GALNT13: variants seen among roughly 807,000 people sequenced by gnomAD.
The protein encoded by GALNT13 is UDP-GalNAc:polypeptide N-acetylgalactosaminyltransferase 13.
Under a neutral mutation model 64.2 loss-of-function variants are expected in GALNT13, and 28 were observed. That is an observed-to-expected ratio of 0.44 (90% confidence interval 0.32 to 0.60). The LOEUF is 0.60. Among genes scored for constraint, GALNT13 ranks in the 20% least tolerant of loss-of-function variants. GALNT13 has a pLI of 0.05. For missense variants in GALNT13, 577 were observed against 669.8 expected (o/e 0.86, Z 1.53); for synonymous variants, 214 against 224.6 (o/e 0.95, Z 0.42).
chr2:154,145,119 T>TAC lies in GALNT13; in HGVS notation c.311+4621_311+4622dup, dbSNP rs1553484465. 4.6e-3 allele frequency among the ~76,000 whole-genome samples: 629 copies of TAC among 137,052 alleles called. 3 individuals carry two copies. Among genetic ancestry groups the TAC allele is most frequent in the African/African-American group, 0.016 (589 of 36,286 alleles). The allele number at this position is 137,052 out of a possible 152,430, so 89.9% of individuals were successfully genotyped here. ...ATCTATCTATATATATATATATATA[T>TAC]ACACACACTAAAAATTTACATATAA... On this transcript the variant is annotated intron_variant, in intron 4 of 12. Transcript: ENST00000392825.
chr2:153,942,350 C>A (rs909757193), intron 2 of GALNT13, among the ~76,000 whole-genome samples: 3 of 151,992 alleles, frequency 2.0e-5, no homozygotes, highest in African/African-American at 7.2e-5. Context: ...TTGGGAATGG[C>A]CGTGTAGTGA....
chr2:154,211,479 T>G (rs925593206), intron 4 of GALNT13, among the ~76,000 whole-genome samples: 4 of 150,622 alleles, frequency 2.7e-5, no homozygotes, highest in Non-Finnish European at 5.9e-5. Context: ...ATACAAAAAA[T>G]TAGCCAGGCA....
the GALNT13 span, among the ~76,000 whole-genome samples, chr2:153,505,398 A>G: frequency 6.6e-6 from 1 of 151,610 alleles, no homozygotes; most frequent in African/African-American, 2.4e-5. Flanking sequence ...GATCTTTGTC[A>G]TTACTTTTCT....
chr2:153,701,791 T>C, the GALNT13 span, among the ~76,000 whole-genome samples: 1 of 152,092 alleles, frequency 6.6e-6, no homozygotes. Flanking sequence ...TACCACCTCA[T>C]GCCAGTCAAA....
At chr2:153,646,893 T>C in the GALNT13 span, among the ~76,000 whole-genome samples, 1 of 152,162 alleles carries the variant, frequency 6.6e-6, no homozygotes, top group Non-Finnish European at 1.5e-5. Flanking sequence ...TTCCAAGTCT[T>C]TGCTATTGTG....
At chr2:153,686,797 T>C in the GALNT13 span, among the ~76,000 whole-genome samples, 1 of 152,040 alleles carries the variant, frequency 6.6e-6, no homozygotes, top group Non-Finnish European at 1.5e-5. Context: ...TGGTTCATAT[T>C]ATGTTGACTA....
At chr2:154,258,351 C>T (rs1252260150) in intron 7 of GALNT13, among the ~76,000 whole-genome samples, 3 of 152,014 alleles carry the variant, frequency 2.0e-5, no homozygotes, top group Non-Finnish European at 4.4e-5. Context: ...AGAATCCCTT[C>T]GAAGTGTCCT....
At chr2:153,438,499 A>G in the GALNT13 span, among the ~76,000 whole-genome samples, 49 of 152,130 alleles carry the variant, frequency 3.2e-4, no homozygotes, top group Admixed American at 3.2e-3. Context: ...ACATAGTCCC[A>G]TATTTCTTGG....
chr2:153,730,675 T>C, the GALNT13 span, among the ~76,000 whole-genome samples: 2 of 151,544 alleles, frequency 1.3e-5, no homozygotes, highest in African/African-American at 4.8e-5. Context: ...ATCCAGAATC[T>C]ACAGGGAACT....
chr2:154,390,791 C>A (rs1423765846), intron 9 of GALNT13, among the ~76,000 whole-genome samples: 1 of 152,146 alleles, frequency 6.6e-6, no homozygotes, highest in African/African-American at 2.4e-5. Flanking sequence ...ATTGTCAAAG[C>A]CTTTACATGG....
At chr2:153,739,184 A>G in the GALNT13 span, among the ~76,000 whole-genome samples, 2 of 152,068 alleles carry the variant, frequency 1.3e-5, no homozygotes, top group Admixed American at 6.6e-5. Flanking sequence ...TCTTAAATCC[A>G]TATTTGCAAC....
chr2:153,787,571 C>A, the GALNT13 span, among the ~76,000 whole-genome samples: 291 of 152,272 alleles, frequency 1.9e-3, 1 homozygote, highest in African/African-American at 6.7e-3. Flanking sequence ...ACTAGTTCTC[C>A]AACAAGCATT....
At chr2:153,096,006 A>C in the GALNT13 span, among the ~76,000 whole-genome samples, 2 of 152,016 alleles carry the variant, frequency 1.3e-5, no homozygotes, top group Admixed American at 1.3e-4. Flanking sequence ...TGTTGTGCAC[A>C]TGTACCCTAG....
At chr2:154,411,861 C>A (rs1699811665) in intron 11 of GALNT13, among the ~76,000 whole-genome samples, 1 of 151,500 alleles carries the variant, frequency 6.6e-6, no homozygotes, top group African/African-American at 2.4e-5. Flanking sequence ...TAACTTATGG[C>A]AAGTTACATA....
At chr2:154,413,224 C>T (rs753911434) in intron 11 of GALNT13, among the ~76,000 whole-genome samples, 1 of 151,838 alleles carries the variant, frequency 6.6e-6, no homozygotes, top group Non-Finnish European at 1.5e-5. Context: ...CCAAACTGAA[C>T]TCATTTCCTT....
chr2:153,674,758 C>T, the GALNT13 span, among the ~76,000 whole-genome samples: 82 of 152,056 alleles, frequency 5.4e-4, no homozygotes, highest in Non-Finnish European at 8.2e-4. Context: ...TGAGAGTGAA[C>T]GGGCAACCTA....
the GALNT13 span, among the ~76,000 whole-genome samples, chr2:153,280,634 A>G: frequency 6.6e-6 from 1 of 152,118 alleles, no homozygotes; most frequent in African/African-American, 2.4e-5. Context: ...AAAGCCACTC[A>G]TGAGTAAGCT....
At position 154,438,595 on chromosome 2, in the gene GALNT13, T is replaced by A. The variant is rs1209234849; in HGVS notation, c.1399T>A (p.Phe467Ile). 1 of 1,609,204 alleles carries A rather than the reference T, an allele frequency of 6.2e-7. No individual in the cohort carries two copies. The highest frequency in any genetic ancestry group is 8.5e-7 in the Non-Finnish European group (1 of 1,176,648). ...NCHGMGGNQV[F>I]SYTADKEIRT... ...TTAGCTGAATTTATATTTTCAGGTA[T>A]TTTCTTACACTGCTGACAAAGAAAT... Residue 467 changes from phenylalanine (F) to isoleucine (I), a missense_variant, in exon 12 of 13, where the codon TTT becomes ATT. Around this residue, in one of 3 missense-constraint regions of GALNT13, gnomAD observed 232 missense variants for 270.6 expected, o/e 0.86. Coordinates refer to ENST00000392825, the MANE Select transcript of GALNT13 (RefSeq NM_052917.4).
chr2:153,939,255 C>T (rs1445276464), intron 2 of GALNT13, among the ~76,000 whole-genome samples: 1 of 152,134 alleles, frequency 6.6e-6, no homozygotes, highest in Non-Finnish European at 1.5e-5. Context: ...GAACCTATGA[C>T]TGGGCAGAGA....
Sources: gnomAD v4.1 joint callset for allele counts (sites outside exome capture counted in the v4.1 genomes callset) on GRCh38, gnomAD v4.1.1 for gene constraint, gnomAD v4.1.1 regional missense constraint, MANE v1.5 for transcripts, NCBI Gene and HGNC (gene_info 2026-07-23, HGNC 2026-07-21) for gene names.